CACNA2D3: variants seen among roughly 807,000 people sequenced by gnomAD.
The protein encoded by CACNA2D3 is calcium voltage-gated channel auxiliary subunit alpha2delta 3.
Under a neutral mutation model 160.6 loss-of-function variants are expected in CACNA2D3, and 60 were observed. The observed-to-expected ratio is 0.37, with a 90% CI of 0.30 to 0.46. The LOEUF is 0.46. CACNA2D3 is among the 20% of genes least tolerant of loss of function. CACNA2D3 has a pLI of 1.00. For missense variants in CACNA2D3, 1,205 were observed against 1,365.0 expected (o/e 0.88, Z 1.85); for synonymous variants, 558 against 492.9 (o/e 1.13, Z -1.75).
intron 4 of CACNA2D3, among the ~76,000 whole-genome samples, chr3:54,422,543 C>G (rs571624348): frequency 6.6e-6 from 1 of 152,132 alleles, no homozygotes; most frequent in Admixed American, 6.5e-5. Context: ...GCAACAGATA[C>G]GAAGAGTGAG....
chr3:54,467,307 G>A (rs906152455), intron 4 of CACNA2D3, among the ~76,000 whole-genome samples: 2 of 152,202 alleles, frequency 1.3e-5, no homozygotes, highest in African/African-American at 4.8e-5. Context: ...ACTGTAAAGT[G>A]TGACCAGGGA....
At chr3:54,693,088 A>G (rs557386236) in intron 11 of CACNA2D3, among the ~76,000 whole-genome samples, 2 of 152,352 alleles carry the variant, frequency 1.3e-5, no homozygotes, top group East Asian at 3.9e-4. Context: ...TAGTAACACA[A>G]AGCTGCAGGT....
chr3:54,445,700 C>T (rs1700212478), intron 4 of CACNA2D3, among the ~76,000 whole-genome samples: 1 of 151,870 alleles, frequency 6.6e-6, no homozygotes, highest in African/African-American at 2.4e-5. Flanking sequence ...CATCACATTT[C>T]TGTAATGTGT....
At chr3:54,237,180 G>T (rs1453907736) in intron 2 of CACNA2D3, among the ~76,000 whole-genome samples, 3 of 151,986 alleles carry the variant, frequency 2.0e-5, no homozygotes, top group African/African-American at 7.3e-5. Flanking sequence ...CCCCCTCGAA[G>T]AATTAATTGT....
intron 5 of CACNA2D3, among the ~76,000 whole-genome samples, chr3:54,539,305 A>G (rs1253073459): frequency 6.6e-6 from 1 of 152,224 alleles, no homozygotes; most frequent in African/African-American, 2.4e-5. Flanking sequence ...TGCTGTATAC[A>G]TGACCAGTGT....
intron 13 of CACNA2D3, among the ~76,000 whole-genome samples, chr3:54,813,771 T>C (rs1703387413): frequency 6.6e-6 from 1 of 151,960 alleles, no homozygotes; most frequent in African/African-American, 2.4e-5. Flanking sequence ...ACATAGTCAC[T>C]AGAGTTGTGC....
At chr3:54,731,342 T>C (rs1019531624) in intron 11 of CACNA2D3, among the ~76,000 whole-genome samples, 3 of 152,208 alleles carry the variant, frequency 2.0e-5, no homozygotes, top group African/African-American at 7.2e-5. Flanking sequence ...GCATGGATAA[T>C]TGACACTTGA....
intron 2 of CACNA2D3, among the ~76,000 whole-genome samples, chr3:54,193,743 C>T (rs751410189): frequency 6.6e-5 from 10 of 152,186 alleles, no homozygotes; most frequent in Admixed American, 1.3e-4. Context: ...TATTCTCCTT[C>T]GAGGCTGAAT....
At chr3:54,257,866 A>G (rs1264059630) in intron 2 of CACNA2D3, among the ~76,000 whole-genome samples, 1 of 152,238 alleles carries the variant, frequency 6.6e-6, no homozygotes, top group Non-Finnish European at 1.5e-5. Context: ...AAATCCAGGT[A>G]GGAAGTCAAG....
intron 4 of CACNA2D3, among the ~76,000 whole-genome samples, chr3:54,484,238 T>G (rs2106906076): frequency 6.6e-6 from 1 of 152,346 alleles, no homozygotes; most frequent in Admixed American, 6.5e-5. Flanking sequence ...TGGAAAATTC[T>G]AAATATGTCT....
At chr3:54,618,221 T>G (rs879358429) in intron 9 of CACNA2D3, among the ~76,000 whole-genome samples, 3 of 151,676 alleles carry the variant, frequency 2.0e-5, no homozygotes, top group Non-Finnish European at 4.4e-5. Context: ...TATAATTATC[T>G]TACTACACAT....
chr3:54,385,159 C>A (rs1317857029), intron 3 of CACNA2D3, among the ~76,000 whole-genome samples: 1 of 152,132 alleles, frequency 6.6e-6, no homozygotes, highest in Non-Finnish European at 1.5e-5. Flanking sequence ...ATCAGAATTA[C>A]CTGCAGGGCT....
chr3:54,779,287 C>T (rs1419196609), intron 13 of CACNA2D3, among the ~76,000 whole-genome samples: 18 of 152,028 alleles, frequency 1.2e-4, no homozygotes, highest in Admixed American at 6.6e-4. Context: ...TTAGTAGAGA[C>T]GAGGTTTCAC....
intron 11 of CACNA2D3, among the ~76,000 whole-genome samples, chr3:54,656,197 A>T (rs1260292350): frequency 6.6e-6 from 1 of 152,218 alleles, no homozygotes; most frequent in Admixed American, 6.5e-5. Flanking sequence ...CAGACTTGGC[A>T]TGGTAGATTT....
chr3:54,165,600 T>TA lies in CACNA2D3; in HGVS notation c.204+42025dup, dbSNP rs373085382. Among the ~76,000 whole-genome samples the TA allele has an allele frequency of 0.02, 1,907 of 93,420 alleles. 106 individuals are homozygous for TA. The East Asian group carries it at 0.25, about 12-fold the overall frequency. 61.3% of individuals were successfully genotyped at this position (93,420 alleles called of 152,430 possible). A position where few individuals can be genotyped will look rare whatever the true frequency, so the allele number is the denominator to read the frequency against. On this transcript the variant is annotated intron_variant, in intron 2 of 37. Transcript: ENST00000474759. ...CCTTTGGGAAGCCCAGTTCCATCTC[T>TA]AAAAAAAAAAAAAAAAAAAGAAAAA... is the stretch of plus-strand genomic sequence containing the variant.
rs867080864 is a variant in CACNA2D3 at position 54,522,941 on chromosome 3, C to T, written c.544+19287C>T. Among the ~76,000 whole-genome samples, 285 of 144,468 alleles carry T rather than the reference C, an allele frequency of 2.0e-3. 1 individual carries two copies. Among genetic ancestry groups the T allele is most frequent in the East Asian group, 9.2e-3 (39 of 4,256 alleles). 94.8% of individuals were successfully genotyped at this position (144,468 alleles called of 152,430 possible). On this transcript the variant is annotated intron_variant, in intron 5 of 37. Coordinates refer to ENST00000474759, the MANE Select transcript of CACNA2D3 (RefSeq NM_018398.3). The stretch of plus-strand genomic sequence containing the variant: ...ATTTATTTATTTATTTATTTACTTA[C>T]TTACTTACTTACTTACTTACTTACT...
intron 31 of CACNA2D3, among the ~76,000 whole-genome samples, chr3:54,995,932 A>G (rs553151333): frequency 6.6e-6 from 1 of 152,246 alleles, no homozygotes; most frequent in South Asian, 2.1e-4. Flanking sequence ...TCCCCACAGC[A>G]TGCCCAATGC....
chr3:54,387,545 G>A (rs1158763000), intron 4 of CACNA2D3, among the ~76,000 whole-genome samples: 1 of 152,174 alleles, frequency 6.6e-6, no homozygotes, highest in Non-Finnish European at 1.5e-5. Flanking sequence ...CCAGCTACTT[G>A]GGAAACTGAG....
chr3:54,921,465 A>G (rs2106931381), intron 27 of CACNA2D3, among the ~76,000 whole-genome samples: 1 of 152,250 alleles, frequency 6.6e-6, no homozygotes, highest in East Asian at 1.9e-4. Context: ...TAATCATACA[A>G]TCTGTGTGCA....
Sources: allele counts gnomAD v4.1 joint callset (sites outside exome capture counted in the v4.1 genomes callset), GRCh38; gene constraint gnomAD v4.1.1; transcripts MANE v1.5; gene names NCBI Gene and HGNC (gene_info 2026-07-23, HGNC 2026-07-21).